The following SLC25A16 variants were observed in gnomAD, a reference collection of about 807,000 sequenced individuals.
SLC25A16 encodes the protein mitochondrial coenzyme A transporter SLC25A16.
Under a neutral mutation model 41.5 loss-of-function variants are expected in SLC25A16, and 39 were observed. That is an observed-to-expected ratio of 0.94 (90% confidence interval 0.73 to 1.23). The LOEUF (loss-of-function observed/expected upper bound fraction) is 1.23. Among genes scored for constraint, SLC25A16 ranks in the 50% most tolerant of loss-of-function variants. SLC25A16 has a pLI of 0.00. For synonymous variants in SLC25A16, 146 were observed against 147.8 expected (o/e 0.99, Z 0.09); for missense variants, 421 against 426.9 (o/e 0.99, Z 0.12).
Position 68,527,467 on chromosome 10 carries a change from C to A in SLC25A16, c.-92G>T. 7.7e-7 allele frequency: 1 copy of A among 1,291,286 alleles called. No individual in the cohort carries two copies. Among genetic ancestry groups the A allele is most frequent in the African/African-American group, 1.6e-5 (1 of 63,240 alleles). 80.0% of individuals were successfully genotyped at this position (1,291,286 alleles called of 1,614,324 possible). On this transcript the variant is annotated 5_prime_UTR_variant, in exon 1 of 9. Coordinates refer to ENST00000609923, the MANE Select transcript of SLC25A16 (RefSeq NM_152707.4). Reference sequence around the variant, plus strand: ...GAACAGGCGGTGACAGGAGGCTGACCGCCCCGCCGGCGGGGCAAAGTAACA... The same window carrying A: ...GAACAGGCGGTGACAGGAGGCTGACAGCCCCGCCGGCGGGGCAAAGTAACA...
At position 68,480,271 on chromosome 10, in the gene SLC25A16, T is replaced by C. The variant is rs2052469705; in HGVS notation, c.*3161A>G. 1 of 152,156 alleles carries C rather than the reference T, an allele frequency of 6.6e-6. No individual in the cohort carries two copies. Among genetic ancestry groups the C allele is most frequent in the African/African-American group, 2.4e-5 (1 of 41,456 alleles). 9.4% of individuals were successfully genotyped at this position (152,156 alleles called of 1,614,324 possible). On this transcript the variant is annotated 3_prime_UTR_variant, in exon 9 of 9. Coordinates refer to ENST00000609923, the MANE Select transcript of SLC25A16 (RefSeq NM_152707.4). ...AAGATGCACTTTGGGCAATCTGAAATAAATCAGATATAAACACAGTCATTA... is the reference window on the plus strand; with the variant it reads ...AAGATGCACTTTGGGCAATCTGAAACAAATCAGATATAAACACAGTCATTA...
At chr10:68,513,495 C>T (rs1197102385) in intron 2 of SLC25A16, among the ~76,000 whole-genome samples, 1 of 151,652 alleles carries the variant, frequency 6.6e-6, no homozygotes, top group African/African-American at 2.4e-5. Flanking sequence ...CATAAATATC[C>T]ATTCAGGTTT....
Position 68,483,365 on chromosome 10 carries a change from A to T in SLC25A16, c.*67T>A. 1 of 1,050,804 alleles carries T rather than the reference A, an allele frequency of 9.5e-7. No homozygotes were observed. Among genetic ancestry groups the T allele is most frequent in the Non-Finnish European group, 1.4e-6 (1 of 725,672 alleles). 65.1% of individuals were successfully genotyped at this position (1,050,804 alleles called of 1,614,324 possible). On this transcript the variant is annotated 3_prime_UTR_variant, in exon 9 of 9. Coordinates refer to ENST00000609923, the MANE Select transcript of SLC25A16 (RefSeq NM_152707.4). Reference sequence around the variant, plus strand: ...TCCCCATTCAAGTAATGTTCCCCCCACAATTATAGTAATGTTTCATTTCTC... The same window carrying T: ...TCCCCATTCAAGTAATGTTCCCCCCTCAATTATAGTAATGTTTCATTTCTC...
chr10:68,510,429 C>A (rs959295283), intron 2 of SLC25A16, among the ~76,000 whole-genome samples: 3 of 151,874 alleles, frequency 2.0e-5, no homozygotes, highest in Non-Finnish European at 2.9e-5. Flanking sequence ...GTACTCCCAG[C>A]TACTCGGGAG....
At chr10:68,499,873 G>A (rs185417234) in intron 4 of SLC25A16, 9 of 548,052 alleles carry the variant, frequency 1.6e-5, no homozygotes, top group East Asian at 1.3e-4. Flanking sequence ...GAACAAAGAC[G>A]GCAAAAAGAT....
chr10:68,518,617 C>T (rs1012194906), intron 1 of SLC25A16, among the ~76,000 whole-genome samples: 3 of 149,946 alleles, frequency 2.0e-5, no homozygotes, highest in Non-Finnish European at 4.5e-5. Flanking sequence ...CTACTAAAAA[C>T]ACAAAAATTA....
chr10:68,493,554 G>A lies in SLC25A16; in HGVS notation c.438C>T (p.Ile146=), dbSNP rs375565284. 1.4e-5 allele frequency: 23 copies of A among 1,612,512 alleles called. No homozygotes were observed. Among genetic ancestry groups the A allele is most frequent in the East Asian group, 2.2e-5 (1 of 44,802 alleles). ...TAACCATGTCAAGAGGGTAAGTACA[G>A]ATAACTGCTGTCATACCTGAAAAGA... ...AGSMAGMTAV[I]CTYPLDMVRV... is the part of the protein sequence containing the mutation. The change falls in exon 5 of 9, where the codon ATC becomes ATT. Residue 146 remains isoleucine (I), a synonymous_variant. Transcript: ENST00000609923.
chr10:68,516,900 AATC>A, intron 1 of SLC25A16, 57 bp from the exon 2 acceptor site: 1 of 1,369,284 alleles, frequency 7.3e-7, no homozygotes, highest in Admixed American at 1.8e-5. Flanking sequence ...TCCAGATGGA[AATC>A]ATTAGTTGTT....
At chr10:68,485,347 C>G (rs1368755675) in intron 8 of SLC25A16, among the ~76,000 whole-genome samples, 1 of 152,082 alleles carries the variant, frequency 6.6e-6, no homozygotes, top group Admixed American at 6.6e-5. Context: ...GCGTCAGCCT[C>G]CCAAAGTGCT....
chr10:68,525,959 C>A (rs949640807), intron 1 of SLC25A16, among the ~76,000 whole-genome samples: 3 of 151,842 alleles, frequency 2.0e-5, no homozygotes, highest in Non-Finnish European at 4.4e-5. Flanking sequence ...GACACAAAAA[C>A]TGCGGAAGGC....
rs563167962 is a variant in SLC25A16 at position 68,483,995 on chromosome 10, C to T, written c.843-407G>A. Among the ~76,000 whole-genome samples the T allele has an allele frequency of 7.9e-5, 12 of 152,172 alleles. No individual in the cohort carries two copies. The East Asian group carries it at 2.1e-3, about 27-fold the overall frequency. The stretch of plus-strand genomic sequence containing the variant: ...ATTAATTTTTAAAGAAGGTTAAATG[C>T]CATCTTGAATAGCTTTAGAAAGACA... On this transcript the variant is annotated intron_variant, in intron 8 of 8. Coordinates refer to ENST00000609923, the MANE Select transcript of SLC25A16 (RefSeq NM_152707.4).
At chr10:68,526,244 C>T (rs901128046) in intron 1 of SLC25A16, among the ~76,000 whole-genome samples, 1 of 151,638 alleles carries the variant, frequency 6.6e-6, no homozygotes, top group Admixed American at 6.6e-5. Flanking sequence ...AGGGAAAAAC[C>T]GCCTTAGGGC....
At chr10:68,498,604 G>A (rs2052790828) in intron 4 of SLC25A16, among the ~76,000 whole-genome samples, 1 of 152,180 alleles carries the variant, frequency 6.6e-6, no homozygotes, top group Non-Finnish European at 1.5e-5. Context: ...GCTGAGCGGG[G>A]AGGACTGCTT....
chr10:68,485,023 A>C (rs2052535205), intron 8 of SLC25A16, among the ~76,000 whole-genome samples: 1 of 152,240 alleles, frequency 6.6e-6, no homozygotes, highest in Non-Finnish European at 1.5e-5. Flanking sequence ...CAAAATAATG[A>C]AATGTTGAGG....
chr10:68,497,240 A>G (rs1308770033), intron 4 of SLC25A16, among the ~76,000 whole-genome samples: 1 of 152,210 alleles, frequency 6.6e-6, no homozygotes, highest in Non-Finnish European at 1.5e-5. Flanking sequence ...AAGAGATTAA[A>G]GTTTGACAAA....
intron 4 of SLC25A16, among the ~76,000 whole-genome samples, chr10:68,502,435 C>G (rs1264761889): frequency 6.6e-6 from 1 of 151,408 alleles, no homozygotes; most frequent in Non-Finnish European, 1.5e-5. Context: ...TTAACAATAT[C>G]TGAAAGAAAA....
chr10:68,498,384 T>G (rs533580552), intron 4 of SLC25A16, among the ~76,000 whole-genome samples: 152 of 151,484 alleles, frequency 1.0e-3, no homozygotes, highest in Non-Finnish European at 1.8e-3. Flanking sequence ...TAGAATTCCC[T>G]TTTAAATATA....
chr10:68,491,029 A>C (rs912221238), intron 6 of SLC25A16, among the ~76,000 whole-genome samples: 1 of 151,998 alleles, frequency 6.6e-6, no homozygotes, highest in Non-Finnish European at 1.5e-5. Flanking sequence ...AGCTGGGACC[A>C]CCAAGCCTGG....
chr10:68,509,733 A>ATATCTATCTATC (rs1241961148), intron 2 of SLC25A16, among the ~76,000 whole-genome samples: 1 of 145,056 alleles, frequency 6.9e-6, no homozygotes, highest in South Asian at 2.2e-4. Flanking sequence ...CTATCTATCT[A>ATATCTATCTATC]TATATATATC....
Sources: gnomAD v4.1 joint callset for allele counts (sites outside exome capture counted in the v4.1 genomes callset) on GRCh38, gnomAD v4.1.1 for gene constraint, MANE v1.5 for transcripts, NCBI Gene and HGNC (gene_info 2026-07-23, HGNC 2026-07-21) for gene names.